Variants in TMEM108 observed in about 807,000 individuals in gnomAD.
TMEM108 encodes transmembrane protein 108, also known as cancer/testis antigen 124.
Under a neutral mutation model 35.1 loss-of-function variants are expected in TMEM108, and 12 were observed. The ratio of observed to expected loss-of-function variants is 0.34; its 90% CI spans 0.22 to 0.55. The LOEUF (loss-of-function observed/expected upper bound fraction) is 0.55. Among genes scored for constraint, TMEM108 ranks in the 20% least tolerant of loss-of-function variants. The probability of loss-of-function intolerance (pLI) is 0.89; values close to 1 mark genes in which losing one functional copy is unlikely to be tolerated. For synonymous variants in TMEM108, 287 were observed against 308.6 expected (o/e 0.93, Z 0.73); for missense variants, 680 against 753.3 (o/e 0.90, Z 1.14).
chr3:133,126,302 T>TA (rs1015867881), intron 2 of TMEM108, among the ~76,000 whole-genome samples: 10 of 151,786 alleles, frequency 6.6e-5, no homozygotes, highest in African/African-American at 1.5e-4. Context: ...CCATCTCTAC[T>TA]AAAAAAATAC....
chr3:133,295,615 G>A (rs973743131), intron 3 of TMEM108, among the ~76,000 whole-genome samples: 3 of 152,118 alleles, frequency 2.0e-5, no homozygotes, highest in African/African-American at 7.2e-5. Context: ...GCATTATTTG[G>A]TAAAACCAGG....
chr3:133,320,080 C>A (rs578191039), intron 3 of TMEM108, among the ~76,000 whole-genome samples: 360 of 152,156 alleles, frequency 2.4e-3, no homozygotes, highest in Non-Finnish European at 3.9e-3. Context: ...CCAGCCTGGG[C>A]AACATAGACT....
intron 3 of TMEM108, among the ~76,000 whole-genome samples, chr3:133,355,682 C>T (rs901748969): frequency 7.9e-5 from 12 of 152,106 alleles, no homozygotes; most frequent in Admixed American, 2.0e-4. Flanking sequence ...AAGACACTCA[C>T]GGAGCAGTTG....
chr3:133,330,116 AT>A (rs957917825), intron 3 of TMEM108, among the ~76,000 whole-genome samples: 1 of 152,202 alleles, frequency 6.6e-6, no homozygotes, highest in African/African-American at 2.4e-5. Flanking sequence ...CTACCCTGAA[AT>A]GTGCTAGATC....
intron 2 of TMEM108, among the ~76,000 whole-genome samples, chr3:133,178,897 T>C (rs937040972): frequency 4.8e-4 from 73 of 152,172 alleles, no homozygotes; most frequent in Non-Finnish European, 4.9e-4. Flanking sequence ...AGAAAATTTT[T>C]GCAATCTACT....
rs199643616 is a variant in TMEM108, at chr3:133,330,032, G to GA, written c.41-49711dup. On this transcript the variant is annotated intron_variant, in intron 3 of 5. Transcript: ENST00000321871. ...CATCTGGCAGTTTCCTGCTTTTGGA[G>GA]AAAAAAAAATCTGTGACAGCATACA... 6.9e-3 allele frequency among the ~76,000 whole-genome samples: 1,039 copies of GA among 150,664 alleles called. 15 individuals carry two copies. The highest frequency in any genetic ancestry group is 0.024 in the African/African-American group (979 of 41,154).
chr3:133,342,242 C>CA (rs1450544469), intron 3 of TMEM108, among the ~76,000 whole-genome samples: 1 of 151,324 alleles, frequency 6.6e-6, no homozygotes, highest in Non-Finnish European at 1.5e-5. Context: ...GGGTATTTCT[C>CA]AAAAGAAGAC....
chr3:133,214,386 C>T (rs1945876282), intron 2 of TMEM108, among the ~76,000 whole-genome samples: 1 of 152,152 alleles, frequency 6.6e-6, no homozygotes, highest in Non-Finnish European at 1.5e-5. Flanking sequence ...TCTGTCCTCC[C>T]CGCCCCCACT....
At chr3:133,255,015 A>T (rs1471033619) in intron 3 of TMEM108, among the ~76,000 whole-genome samples, 1 of 152,236 alleles carries the variant, frequency 6.6e-6, no homozygotes, top group Non-Finnish European at 1.5e-5. Context: ...ACTTCTTCAC[A>T]GTATGTTAAT....
chr3:133,346,715 GA>G lies in TMEM108; in HGVS notation c.41-33034del, dbSNP rs960794099. 2.0e-5 allele frequency among the ~76,000 whole-genome samples: 3 copies of G among 151,930 alleles called. No homozygotes were observed. The highest frequency in any genetic ancestry group is 4.4e-5 in the Non-Finnish European group (3 of 67,892). On this transcript the variant is annotated intron_variant, in intron 3 of 5. Transcript: ENST00000321871. The surrounding 1 kb of genome is among the most constrained non-coding windows in gnomAD (Gnocchi z 4.0). ...TTTTGTGTTGTATCTAAAAACTCAT[GA>G]AACCCAAAGTCACCTAAATTTTCTC...
In TMEM108 at chr3:133,123,101, A is replaced by G. The variant is rs898501360; in HGVS notation, c.-47+77081A>G. Among the ~76,000 whole-genome samples, 4 of 152,318 alleles carry G rather than the reference A, an allele frequency of 2.6e-5. No homozygotes were observed. The East Asian group carries it at 7.7e-4, about 29-fold the overall frequency. Reference sequence around the variant, plus strand: ...TATGCTTACATGTGTATGTACGGATACATATATGGATTCCATTGTGGATAT... The same window carrying G: ...TATGCTTACATGTGTATGTACGGATGCATATATGGATTCCATTGTGGATAT... On this transcript the variant is annotated intron_variant, in intron 2 of 5. Transcript: ENST00000321871.
At chr3:133,086,872 C>G (rs550140000) in intron 2 of TMEM108, among the ~76,000 whole-genome samples, 1 of 152,186 alleles carries the variant, frequency 6.6e-6, no homozygotes, top group East Asian at 1.9e-4. Flanking sequence ...ACATGAGATT[C>G]CATGTCTCAC....
intron 2 of TMEM108, among the ~76,000 whole-genome samples, chr3:133,072,859 C>T (rs1022859069): frequency 5.9e-5 from 9 of 152,156 alleles, no homozygotes; most frequent in African/African-American, 2.2e-4. Context: ...TACTTTGTAT[C>T]TCTGGATTTG....
At chr3:133,135,880 G>A (rs1944558077) in intron 2 of TMEM108, among the ~76,000 whole-genome samples, 1 of 152,154 alleles carries the variant, frequency 6.6e-6, no homozygotes, top group South Asian at 2.1e-4. Flanking sequence ...TGGCATTAGA[G>A]ATGATGAGTT....
intron 4 of TMEM108, chr3:133,388,356 G>A: frequency 1.0e-6 from 1 of 974,530 alleles, no homozygotes; most frequent in Non-Finnish European, 1.2e-6. Context: ...AAGGCGGCCA[G>A]CACTTTAGGC....
chr3:133,203,418 T>C (rs1050498917), intron 2 of TMEM108, among the ~76,000 whole-genome samples: 1 of 152,238 alleles, frequency 6.6e-6, no homozygotes, highest in East Asian at 1.9e-4. Flanking sequence ...CTGTATGATA[T>C]TGGCTGTGGG....
chr3:133,389,102 C>A, intron 4 of TMEM108: 1 of 985,618 alleles, frequency 1.0e-6, no homozygotes, highest in Non-Finnish European at 1.2e-6. Context: ...CCCCAAGAGG[C>A]CTCTGTCACC....
chr3:133,338,620 A>G (rs2071570928), intron 3 of TMEM108, among the ~76,000 whole-genome samples: 1 of 152,100 alleles, frequency 6.6e-6, no homozygotes, highest in South Asian at 2.1e-4. Flanking sequence ...AAGGTACAAA[A>G]CTCACTAGTA....
intron 2 of TMEM108, among the ~76,000 whole-genome samples, chr3:133,098,450 A>G (rs1181800084): frequency 6.6e-6 from 1 of 152,008 alleles, no homozygotes; most frequent in Admixed American, 6.6e-5. Flanking sequence ...GCCCCTCTAA[A>G]TCTCATGGCC....
Sources: allele counts gnomAD v4.1 joint callset (sites outside exome capture counted in the v4.1 genomes callset), GRCh38; gene constraint gnomAD v4.1.1; non-coding constraint Gnocchi (gnomAD v3.1); transcripts MANE v1.5; gene names NCBI Gene and HGNC (gene_info 2026-07-23, HGNC 2026-07-21).